Variants in USH2A observed in about 807,000 individuals in gnomAD.
The protein encoded by USH2A is Usher syndrome 2A (autosomal recessive, mild).
Under a neutral mutation model 538.9 loss-of-function variants are expected in USH2A, and 443 were observed. The ratio of observed to expected loss-of-function variants is 0.82; its 90% CI spans 0.76 to 0.89. USH2A has a LOEUF of 0.89. USH2A is among the 40% of genes least tolerant of loss of function. The pLI is 0.00. For synonymous variants in USH2A, 2,413 were observed against 2,273.5 expected (o/e 1.06, Z -1.75); for missense variants, 6,633 against 6,324.8 (o/e 1.05, Z -1.65).
Position 215,755,594 on chromosome 1 carries a change from T to G in USH2A, c.11389+3001A>C, listed in dbSNP as rs75124783. Among the ~76,000 whole-genome samples the G allele has an allele frequency of 3.9e-3, 590 of 152,322 alleles. 3 individuals are homozygous for G. Among genetic ancestry groups the G allele is most frequent in the Non-Finnish European group, 6.4e-3 (438 of 68,018 alleles). On this transcript the variant is annotated intron_variant, in intron 58 of 71. Coordinates refer to ENST00000307340, the MANE Select transcript of USH2A (RefSeq NM_206933.4). ...TCTAGACACCAGGAAAAAGATTTAA[T>G]TGAAGATTTTAATCTTTCCTTATAT...
At chr1:215,988,956 C>T (rs184381669) in intron 35 of USH2A, among the ~76,000 whole-genome samples, 59 of 152,262 alleles carry the variant, frequency 3.9e-4, no homozygotes, top group Middle Eastern at 6.8e-3. Context: ...CAGACTTTCA[C>T]GAGTAGGAGA....
intron 49 of USH2A, among the ~76,000 whole-genome samples, chr1:215,800,903 TC>T (rs1439693502): frequency 1.3e-5 from 2 of 152,142 alleles, no homozygotes; most frequent in East Asian, 3.9e-4. Flanking sequence ...CAAACTGAAT[TC>T]AAAAGCACAT....
At chr1:215,642,242 T>C (rs1220992926) in intron 67 of USH2A, among the ~76,000 whole-genome samples, 1 of 152,212 alleles carries the variant, frequency 6.6e-6, no homozygotes, top group Admixed American at 6.5e-5. Flanking sequence ...TGACATACTT[T>C]ATCTCATTTA....
At chr1:216,334,947 T>A (rs2037940543) in intron 4 of USH2A, among the ~76,000 whole-genome samples, 1 of 151,570 alleles carries the variant, frequency 6.6e-6, no homozygotes, top group Non-Finnish European at 1.5e-5. Context: ...TATAAACCAA[T>A]TAGACTTAAT....
chr1:216,324,604 AC>A (rs2037693119), intron 6 of USH2A, among the ~76,000 whole-genome samples: 1 of 152,166 alleles, frequency 6.6e-6, no homozygotes, highest in African/African-American at 2.4e-5. Context: ...AAAGAACATT[AC>A]TTCTATGAAA....
chr1:215,933,140 G>A (rs1666405430), intron 38 of USH2A, among the ~76,000 whole-genome samples: 1 of 151,648 alleles, frequency 6.6e-6, no homozygotes. Flanking sequence ...CTGTAGAAAA[G>A]GTATTACTAT....
chr1:215,793,587 T>A lies in USH2A; in HGVS notation c.9959-3305A>T, dbSNP rs575966090. Reference sequence around the variant, plus strand: ...ACTTTTCAAAAAAAAAATCATTCTGTTTTATGGAAATCTTCCAGGGAAATG... The same window carrying A: ...ACTTTTCAAAAAAAAAATCATTCTGATTTATGGAAATCTTCCAGGGAAATG... On this transcript the variant is annotated intron_variant, in intron 50 of 71. Transcript: ENST00000307340. Among the ~76,000 whole-genome samples the A allele has an allele frequency of 2.4e-3, 367 of 152,274 alleles. 2 individuals are homozygous for A. Among genetic ancestry groups the A allele is most frequent in the African/African-American group, 8.4e-3 (349 of 41,558 alleles).
At chr1:215,853,174 C>T (rs781586020) in intron 44 of USH2A, among the ~76,000 whole-genome samples, 61 of 152,290 alleles carry the variant, frequency 4.0e-4, no homozygotes, top group Admixed American at 1.2e-3. Context: ...GGTGGAGGTT[C>T]CCAAACCTCA....
At chr1:216,017,693 T>C (rs1176570581) in intron 32 of USH2A, among the ~76,000 whole-genome samples, 2 of 152,206 alleles carry the variant, frequency 1.3e-5, no homozygotes, top group African/African-American at 4.8e-5. Context: ...AATATCGTAG[T>C]GAAGATTAAG....
At chr1:216,014,457 G>A (rs998384911) in intron 32 of USH2A, among the ~76,000 whole-genome samples, 5 of 152,202 alleles carry the variant, frequency 3.3e-5, no homozygotes, top group Non-Finnish European at 5.9e-5. Context: ...TTGGTAATAT[G>A]TCTCTATAGA....
chr1:216,325,776 A>G (rs939139280), intron 5 of USH2A, among the ~76,000 whole-genome samples, 177 bp from the exon 6 acceptor site: 4 of 152,200 alleles, frequency 2.6e-5, no homozygotes, highest in Non-Finnish European at 5.9e-5. Flanking sequence ...AAACAAATTC[A>G]TTATCATAAA....
At chr1:215,626,425 A>C (rs184000512) in intron 71 of USH2A, among the ~76,000 whole-genome samples, 9 of 152,000 alleles carry the variant, frequency 5.9e-5, no homozygotes, top group Non-Finnish European at 1.3e-4. Flanking sequence ...ACATATATAT[A>C]CACACATATA....
chr1:216,125,909 C>T (rs755955170), intron 21 of USH2A, among the ~76,000 whole-genome samples: 49 of 152,258 alleles, frequency 3.2e-4, no homozygotes, highest in African/African-American at 5.8e-4. Context: ...CATCTAAGAA[C>T]GCCGTAGGTC....
At chr1:215,735,328 T>C (rs1033256811) in intron 60 of USH2A, among the ~76,000 whole-genome samples, 2 of 152,204 alleles carry the variant, frequency 1.3e-5, no homozygotes, top group Admixed American at 1.3e-4. Flanking sequence ...GTTCTCTTTT[T>C]ATGCTTTTAG....
intron 32 of USH2A, among the ~76,000 whole-genome samples, chr1:216,041,388 GA>G (rs200732506): frequency 1.3e-5 from 2 of 151,460 alleles, no homozygotes; most frequent in East Asian, 1.9e-4. Flanking sequence ...AGAAAAAGAA[GA>G]AAAAAAAATC....
At chr1:215,725,681 G>A (rs1185350438) in intron 61 of USH2A, among the ~76,000 whole-genome samples, 3 of 152,012 alleles carry the variant, frequency 2.0e-5, no homozygotes, top group Non-Finnish European at 4.4e-5. Context: ...AAATTATTCT[G>A]GCTAATCTAT....
rs1245428105 is a variant in USH2A at position 215,634,513 on chromosome 1, A to G, written c.15243T>C (p.Pro5081=). ...TCAATGGAGACATCCTCTTCTGAAG[A>G]GGTACCAAGGGAGGTCTTTCTCTGA... ...PYIRERPPLV[P]LQKRMSPLNV... Residue 5081 remains proline (P), a synonymous_variant, in exon 70 of 72, where the codon CCT becomes CCC. Transcript: ENST00000307340. 3 of 1,614,096 alleles carry G rather than the reference A, an allele frequency of 1.9e-6. No individual in the cohort carries two copies. The highest frequency in any genetic ancestry group is 2.7e-5 in the African/African-American group (2 of 74,936).
At chr1:215,854,039 A>G (rs1415392500) in intron 44 of USH2A, among the ~76,000 whole-genome samples, 1 of 152,172 alleles carries the variant, frequency 6.6e-6, no homozygotes, top group African/African-American at 2.4e-5. Flanking sequence ...ACTGGTGCCA[A>G]CTTACTGTAT....
intron 62 of USH2A, among the ~76,000 whole-genome samples, chr1:215,677,289 G>T (rs1410416449): frequency 6.6e-6 from 1 of 152,046 alleles, no homozygotes; most frequent in Non-Finnish European, 1.5e-5. Flanking sequence ...CACTACTGCC[G>T]TTATTCTCAT....
Sources: gnomAD v4.1 joint callset for allele counts (sites outside exome capture counted in the v4.1 genomes callset) on GRCh38, gnomAD v4.1.1 for gene constraint, MANE v1.5 for transcripts, NCBI Gene and HGNC (gene_info 2026-07-23, HGNC 2026-07-21) for gene names.